Variants in ZNF442 observed in about 807,000 individuals in gnomAD.
ZNF442 encodes the protein zinc finger protein 442.
ZNF442 carries 45 observed loss-of-function variants against 57.0 expected under a neutral mutation model. The observed-to-expected ratio is 0.79, with a 90% confidence interval of 0.62 to 1.01. ZNF442 has a LOEUF of 1.01. Ranked by LOEUF, ZNF442 falls within the 50% of genes least tolerant of loss-of-function variation. The pLI is 0.00. For missense variants in ZNF442, 690 were observed against 756.5 expected, an observed-to-expected ratio of 0.91 and a Z score of 1.03; for synonymous variants, 213 against 241.8, an observed-to-expected ratio of 0.88 and a Z score of 1.10.
chr19:12,359,400 C>A (rs1255376670), intron 3 of ZNF442, among the ~76,000 whole-genome samples: 1 of 152,128 alleles, frequency 6.6e-6, no homozygotes, highest in African/African-American at 2.4e-5. Flanking sequence ...AATAAAAGCA[C>A]CCTTTGCTTA....
intron 3 of ZNF442, among the ~76,000 whole-genome samples, chr19:12,357,505 C>T (rs1476238692): frequency 6.6e-6 from 1 of 151,974 alleles, no homozygotes; most frequent in Non-Finnish European, 1.5e-5. Context: ...GTGCCCATCA[C>T]CATGCCCAGC....
intron 3 of ZNF442, among the ~76,000 whole-genome samples, chr19:12,362,350 G>A (rs1969445769): frequency 1.3e-5 from 2 of 152,160 alleles, no homozygotes; most frequent in South Asian, 2.1e-4. Flanking sequence ...TGGGATGTGA[G>A]GAGCGCCTCT....
intron 3 of ZNF442, among the ~76,000 whole-genome samples, chr19:12,359,424 C>T (rs1599592254): frequency 6.6e-6 from 1 of 152,084 alleles, no homozygotes; most frequent in Non-Finnish European, 1.5e-5. Context: ...AGATTATGCC[C>T]CTCCCCCCTT....
intron 1 of ZNF442, 33 bp downstream of exon 1, chr19:12,365,500 C>A: frequency 1.8e-6 from 1 of 553,446 alleles, no homozygotes. Flanking sequence ...AGTCCTTCGC[C>A]CTGCCCCAGG....
In ZNF442 at chr19:12,347,312, A is replaced by G. The variant is rs1338239787; in HGVS notation, c.*2389T>C. 2.0e-5 allele frequency: 3 copies of G among 152,276 alleles called. No individual in the cohort carries two copies. In the East Asian group the frequency reaches 5.8e-4, roughly 29 times the overall value. The allele number at this position is 152,276 out of a possible 1,614,324, so 9.4% of individuals were successfully genotyped here. On this transcript the variant is annotated 3_prime_UTR_variant, in exon 6 of 6. Coordinates refer to ENST00000242804, the MANE Select transcript of ZNF442 (RefSeq NM_030824.3). ...CTGACCACTCTCCCCATATTGAAAT[A>G]CCTTCTTCTGGAGGCTTCCAGGAGA...
intron 3 of ZNF442, among the ~76,000 whole-genome samples, chr19:12,356,945 T>C (rs564524609): frequency 2.0e-5 from 3 of 152,284 alleles, no homozygotes; most frequent in African/African-American, 7.2e-5. Flanking sequence ...AAAAAAGTCA[T>C]GAAGTGTTAG....
chr19:12,362,783 G>A (rs991088948), intron 3 of ZNF442, among the ~76,000 whole-genome samples: 1 of 152,018 alleles, frequency 6.6e-6, no homozygotes, highest in Non-Finnish European at 1.5e-5. Context: ...GGAAGTGTGG[G>A]GAAAGGAAAG....
rs749876011 is a variant in ZNF442, at chr19:12,345,965, T to G, written c.*3736A>C. ...AAAATTTTGTTAAATTTGGCAGTGA[T>G]TTATTGGATACGACATTTAAGGCAC... On this transcript the variant is annotated 3_prime_UTR_variant, in exon 6 of 6. Transcript: ENST00000242804. 2 of 152,128 alleles carry G rather than the reference T, an allele frequency of 1.3e-5. No homozygotes were observed. Among genetic ancestry groups the G allele is most frequent in the South Asian group, 4.1e-4 (2 of 4,832 alleles). 9.4% of individuals were successfully genotyped at this position (152,128 alleles called of 1,614,324 possible).
At chr19:12,372,078 G>A in the ZNF442 span, among the ~76,000 whole-genome samples, 1 of 152,048 alleles carries the variant, frequency 6.6e-6, no homozygotes, top group Admixed American at 6.6e-5. Flanking sequence ...CCACCTATAA[G>A]AAACAAAGAA....
At chr19:12,359,903 G>A (rs1278940031) in intron 3 of ZNF442, among the ~76,000 whole-genome samples, 1 of 151,902 alleles carries the variant, frequency 6.6e-6, no homozygotes, top group African/African-American at 2.4e-5. Flanking sequence ...ACTTAAACCC[G>A]GGAGGTGGAG....
intron 5 of ZNF442, chr19:12,351,737 C>T (rs1398039751): frequency 3.2e-5 from 12 of 375,262 alleles, no homozygotes; most frequent in Non-Finnish European, 5.3e-5. Context: ...ATCTCTTGAC[C>T]TTGTGATCGC....
At chr19:12,361,686 C>A (rs1182883172) in intron 3 of ZNF442, among the ~76,000 whole-genome samples, 1 of 142,998 alleles carries the variant, frequency 7.0e-6, no homozygotes, top group Admixed American at 6.9e-5. Flanking sequence ...CCCCCTCTGC[C>A]TCCCCCTCCC....
At position 12,350,578 on chromosome 19, in the gene ZNF442, A is replaced by C; in HGVS notation, c.1007T>G (p.Phe336Cys). The part of the protein sequence containing the change: ...CGKAFHHLGS[F>C]QRHMIRHTGD... ...AGTGTGCCTTATCATGTGTCTTTGA[A>C]AGCTTCCCAGATGATGAAATGCTTT... The change falls in exon 6 of 6, where the codon TTT (phenylalanine) becomes TGT (cysteine). Residue 336 changes from phenylalanine (F) to cysteine (C), a missense_variant. By Grantham distance (205) the Phe-to-Cys change is radical. Transcript: ENST00000242804. 6.2e-7 allele frequency: 1 copy of C among 1,613,218 alleles called. No homozygotes were observed. Among genetic ancestry groups the C allele is most frequent in the Non-Finnish European group, 8.5e-7 (1 of 1,179,840 alleles).
chr19:12,361,968 A>G (rs1969435966), intron 3 of ZNF442, among the ~76,000 whole-genome samples: 1 of 152,222 alleles, frequency 6.6e-6, no homozygotes. Context: ...GTGATCTGCC[A>G]GCCTCGGCCT....
chr19:12,349,505 A>C lies in ZNF442; in HGVS notation c.*196T>G. ...GTTACATGCAAATGTCCTTTTATAAAAGGAACACAGCATCTGTGGATTTAG... is the reference window on the plus strand; with the variant it reads ...GTTACATGCAAATGTCCTTTTATAACAGGAACACAGCATCTGTGGATTTAG... On this transcript the variant is annotated 3_prime_UTR_variant, in exon 6 of 6. Coordinates refer to ENST00000242804, the MANE Select transcript of ZNF442 (RefSeq NM_030824.3). The C allele has an allele frequency of 2.0e-6, 1 of 497,798 alleles. No homozygotes were observed. Among genetic ancestry groups the C allele is most frequent in the Non-Finnish European group, 3.5e-6 (1 of 288,856 alleles). 30.8% of individuals were successfully genotyped at this position (497,798 alleles called of 1,614,324 possible). A position where few individuals can be genotyped will look rare whatever the true frequency, so the allele number is the denominator to read the frequency against.
chr19:12,360,329 C>T (rs1488779109), intron 3 of ZNF442, among the ~76,000 whole-genome samples: 1 of 152,188 alleles, frequency 6.6e-6, no homozygotes, highest in African/African-American at 2.4e-5. Context: ...ACCCCAACTG[C>T]CCCAGCTTTC....
At chr19:12,352,228 T>C (rs1479190961) in intron 4 of ZNF442, among the ~76,000 whole-genome samples, 158 bp from the exon 5 acceptor site, 1 of 152,200 alleles carries the variant, frequency 6.6e-6, no homozygotes, top group Non-Finnish European at 1.5e-5. Context: ...ACTTATTTTA[T>C]GTTTTTTAAG....
Position 12,352,975 on chromosome 19 carries a change from A to G in ZNF442, c.205+13T>C, listed in dbSNP as rs1599588306. On this transcript the variant is annotated intron_variant, in intron 4 of 5. Transcript: ENST00000242804. ...CTCTAATTGACTAAGTGAAGACATA[A>G]TGTCATTTTTACCTATACAGTCCAG... The G allele has an allele frequency of 7.5e-6, 12 of 1,593,296 alleles. No homozygotes were observed. Among genetic ancestry groups the G allele is most frequent in the Non-Finnish European group, 9.4e-6 (11 of 1,174,508 alleles).
chr19:12,364,396 C>A (rs10426882), intron 2 of ZNF442, among the ~76,000 whole-genome samples: 3,630 of 139,490 alleles, frequency 0.026, 163 homozygotes, highest in African/African-American at 0.093. Context: ...AACAAGAGCA[C>A]AACTCCATCT....
Sources: gnomAD v4.1 joint callset for allele counts (sites outside exome capture counted in the v4.1 genomes callset) on GRCh38, gnomAD v4.1.1 for gene constraint, MANE v1.5 for transcripts, NCBI Gene and HGNC (gene_info 2026-07-23, HGNC 2026-07-21) for gene names.